The following ZNF385B variants were observed in gnomAD, a reference collection of about 807,000 sequenced individuals.
The protein encoded by ZNF385B is zinc finger protein 385B, also known as zinc finger protein 533.
ZNF385B carries 23 observed loss-of-function variants against 39.2 expected under a neutral mutation model. The observed-to-expected ratio is 0.59, with a 90% CI of 0.42 to 0.83. ZNF385B has a LOEUF of 0.83. ZNF385B is among the 40% of genes least tolerant of loss of function. The pLI is 0.00. For missense variants in ZNF385B, 552 were observed against 598.9 expected, an observed-to-expected ratio of 0.92 and a Z score of 0.82; for synonymous variants, 205 against 222.6, an observed-to-expected ratio of 0.92 and a Z score of 0.70.
At chr2:179,523,352 T>C in intron 4 of ZNF385B, among the ~76,000 whole-genome samples, 1 of 129,724 alleles carries the variant, frequency 7.7e-6, no homozygotes, top group Non-Finnish European at 1.7e-5. Context: ...GTGTGCGTTT[T>C]TTTTTTTTTT....
In ZNF385B at chr2:179,450,220, AGCAATG is replaced by A. The variant is rs547545649; in HGVS notation, c.716-3456_716-3451del. ...AGGACTTCATGTCTAAAACACCAAA[AGCAATG>A]GCAACAAAAGCCAAAATTGACAAAT... On this transcript the variant is annotated intron_variant, in intron 6 of 9. Coordinates refer to ENST00000410066, the MANE Select transcript of ZNF385B (RefSeq NM_152520.6). Among the ~76,000 whole-genome samples, 727 of 152,194 alleles carry A rather than the reference AGCAATG, an allele frequency of 4.8e-3. 5 individuals are homozygous for A. The highest frequency in any genetic ancestry group is 0.017 in the African/African-American group (690 of 41,518).
At chr2:179,493,795 A>ATATATGTATATGCATATATGTATACG (rs2055821060) in intron 5 of ZNF385B, among the ~76,000 whole-genome samples, 1 of 120,750 alleles carries the variant, frequency 8.3e-6, no homozygotes, top group Admixed American at 8.5e-5. Context: ...ATATGTATAC[A>ATATATGTATATGCATATATGTATACG]TATATGTATA....
chr2:179,719,181 C>A (rs1700523068), intron 3 of ZNF385B, among the ~76,000 whole-genome samples: 1 of 152,072 alleles, frequency 6.6e-6, no homozygotes, highest in Admixed American at 6.6e-5. Flanking sequence ...ATGAGCCCAC[C>A]CCAGGTTTCA....
At chr2:179,856,376 A>C (rs1379339653) in intron 1 of ZNF385B, among the ~76,000 whole-genome samples, 2 of 152,000 alleles carry the variant, frequency 1.3e-5, no homozygotes, top group African/African-American at 4.8e-5. Flanking sequence ...CAGATCCCAC[A>C]TGGCATTTTA....
At chr2:179,534,746 AGCATGAACAGAG>A (rs777026188) in intron 4 of ZNF385B, 7 of 152,146 alleles carry the variant, frequency 4.6e-5, no homozygotes, top group Non-Finnish European at 7.4e-5. Flanking sequence ...TTCCCCGGAC[AGCATGAACAGAG>A]GCAAGCCCAG....
Position 179,445,691 on chromosome 2 carries a change from C to T in ZNF385B, c.999G>A (p.Gly333=). The change falls in exon 8 of 10, where the codon GGG becomes GGA. Residue 333 remains glycine, a synonymous_variant. Coordinates refer to ENST00000410066, the MANE Select transcript of ZNF385B (RefSeq NM_152520.6). The part of the protein sequence containing the change: ...KHKTMVEARN[G]AGPIKSYPRP... Reference sequence around the variant, plus strand: ...TAGGATAGGATTTAATTGGACCAGCCCCATTACGAGCTTCAACCATGGTCT... The same window carrying T: ...TAGGATAGGATTTAATTGGACCAGCTCCATTACGAGCTTCAACCATGGTCT... 1 of 1,613,070 alleles carries T rather than the reference C, an allele frequency of 6.2e-7. No individual in the cohort carries two copies. Among genetic ancestry groups the T allele is most frequent in the Non-Finnish European group, 8.5e-7 (1 of 1,179,596 alleles).
chr2:179,738,118 G>A (rs958295384), intron 3 of ZNF385B, among the ~76,000 whole-genome samples: 3 of 152,048 alleles, frequency 2.0e-5, no homozygotes, highest in African/African-American at 7.2e-5. Flanking sequence ...TCTGTACCAT[G>A]TCCAAAGAAA....
rs529933245 is a variant in ZNF385B at position 179,829,238 on chromosome 2, A to G, written c.-155+31863T>C. Reference sequence around the variant, plus strand: ...TATTTCTCTTCATAGTGAAGAGACTATTAGCTGAAAAACAATATTCTCCTA... The same window carrying G: ...TATTTCTCTTCATAGTGAAGAGACTGTTAGCTGAAAAACAATATTCTCCTA... On this transcript the variant is annotated intron_variant, in intron 1 of 9. Transcript: ENST00000410066. Among the ~76,000 whole-genome samples the G allele has an allele frequency of 3.3e-5, 5 of 152,280 alleles. No homozygotes were observed. The East Asian group carries it at 7.7e-4, about 24-fold the overall frequency.
At chr2:179,764,201 T>G (rs1428469627) in intron 3 of ZNF385B, among the ~76,000 whole-genome samples, 2 of 152,180 alleles carry the variant, frequency 1.3e-5, no homozygotes, top group Non-Finnish European at 2.9e-5. Context: ...TATCAGTACA[T>G]AATGTCTTAC....
chr2:179,772,059 G>A (rs1704044056), intron 1 of ZNF385B, among the ~76,000 whole-genome samples: 1 of 152,104 alleles, frequency 6.6e-6, no homozygotes. Flanking sequence ...GTATTTCATA[G>A]ACACAAGACA....
At chr2:179,812,289 G>A (rs930857039) in intron 1 of ZNF385B, among the ~76,000 whole-genome samples, 1 of 152,084 alleles carries the variant, frequency 6.6e-6, no homozygotes, top group South Asian at 2.1e-4. Flanking sequence ...CCCATTACTG[G>A]GTATCTAGCC....
chr2:179,758,983 T>C (rs73046901), intron 3 of ZNF385B, among the ~76,000 whole-genome samples: 12,486 of 152,318 alleles, frequency 0.082, 604 homozygotes, highest in Non-Finnish European at 0.11. Context: ...TATTAATAAT[T>C]GTCTTACTCA....
chr2:179,450,385 C>T (rs566836226), intron 6 of ZNF385B, among the ~76,000 whole-genome samples: 77 of 152,110 alleles, frequency 5.1e-4, no homozygotes, highest in Admixed American at 9.2e-4. Context: ...GAATCTACAA[C>T]GAACTCCAAC....
chr2:179,756,141 T>G (rs1702999205), intron 3 of ZNF385B, among the ~76,000 whole-genome samples: 1 of 152,030 alleles, frequency 6.6e-6, no homozygotes, highest in African/African-American at 2.4e-5. Context: ...CCATGTTTAG[T>G]GCTTCCTTCA....
intron 1 of ZNF385B, among the ~76,000 whole-genome samples, chr2:179,805,009 T>A (rs1462158271): frequency 6.6e-6 from 1 of 152,170 alleles, no homozygotes; most frequent in Non-Finnish European, 1.5e-5. Flanking sequence ...CATCAAGAGG[T>A]GGGCAATTCA....
chr2:179,812,162 A>C (rs763188589), intron 1 of ZNF385B, among the ~76,000 whole-genome samples: 11 of 151,902 alleles, frequency 7.2e-5, no homozygotes, highest in Non-Finnish European at 1.6e-4. Context: ...GGGGTTGCAG[A>C]GAAAGGGGAA....
chr2:179,762,188 T>G (rs1703437687), intron 3 of ZNF385B, among the ~76,000 whole-genome samples: 1 of 152,106 alleles, frequency 6.6e-6, no homozygotes, highest in Non-Finnish European at 1.5e-5. Flanking sequence ...TAGATTTTTT[T>G]GTTTTTGTTT....
chr2:179,506,957 A>T (rs748174007), intron 5 of ZNF385B, among the ~76,000 whole-genome samples: 17 of 152,138 alleles, frequency 1.1e-4, no homozygotes, highest in Admixed American at 1.1e-3. Context: ...TCAGCCCCCA[A>T]AGTAAGAGCC....
intron 1 of ZNF385B, chr2:179,814,364 C>A (rs1706925806): frequency 6.6e-6 from 2 of 303,436 alleles, no homozygotes; most frequent in Middle Eastern, 4.1e-4. Flanking sequence ...ACCCCACATG[C>A]ATGAAAATGG....
Sources: gnomAD v4.1 joint callset for allele counts (sites outside exome capture counted in the v4.1 genomes callset) on GRCh38, gnomAD v4.1.1 for gene constraint, MANE v1.5 for transcripts, NCBI Gene and HGNC (gene_info 2026-07-23, HGNC 2026-07-21) for gene names.